TUBA3C: variants seen among roughly 807,000 people sequenced by gnomAD.
TUBA3C encodes tubulin alpha 3c, also known as tubulin alpha-3C chain.
Under a neutral mutation model 33.4 loss-of-function variants are expected in TUBA3C, and 23 were observed. The observed-to-expected ratio is 0.69, with a 90% CI of 0.50 to 0.98. The LOEUF (loss-of-function observed/expected upper bound fraction) is 0.98, where lower values mean the gene tolerates loss of function less well. TUBA3C is among the 50% of genes least tolerant of loss of function. The probability of loss-of-function intolerance (pLI) is 0.00; values close to 1 mark genes in which losing one functional copy is unlikely to be tolerated. For synonymous variants in TUBA3C, 269 were observed against 250.4 expected (o/e 1.07, Z -0.70); for missense variants, 402 against 616.0 (o/e 0.65, Z 3.68).
At chr13:19,181,640 G>A in intron 1 of TUBA3C, 105 bp downstream of exon 1, 1 of 1,534,178 alleles carries the variant, frequency 6.5e-7, no homozygotes, top group Admixed American at 1.7e-5. Context: ...CCTCCTTTCT[G>A]CACCCTGGCC....
intron 1 of TUBA3C, among the ~76,000 whole-genome samples, chr13:19,180,696 C>T (rs936689760): frequency 8.6e-5 from 13 of 151,926 alleles, no homozygotes; most frequent in Non-Finnish European, 1.3e-4. Context: ...GGGGTTTCAC[C>T]GTGTTAGCCA....
intron 1 of TUBA3C, among the ~76,000 whole-genome samples, chr13:19,181,225 AT>A (rs559042915): frequency 1.3e-3 from 198 of 151,696 alleles, no homozygotes; most frequent in Admixed American, 3.2e-3. Context: ...GAATTTTTCT[AT>A]TTTTAGTAGA....
At position 19,178,367 on chromosome 13, in the gene TUBA3C, T is replaced by G. The variant is rs1219264302; in HGVS notation, c.254A>C (p.Gln85Pro). The change falls in exon 3 of 5, where the codon CAG becomes CCG. Residue 85 changes from glutamine to proline, a missense_variant. Physicochemically the swap from Gln to Pro is moderately conservative, Grantham distance 76. Coordinates refer to ENST00000400113, the MANE Select transcript of TUBA3C (RefSeq NM_006001.3). ...VDEVRTGTYRQLFHPEQLITG... is the reference protein window; with the variant it reads ...VDEVRTGTYRPLFHPEQLITG... ...GATCAGCTGCTCTGGGTGGAAGAGC[T>G]GCCTATAGGTTCCTGTGCGCACTTC... The G allele has an allele frequency of 7.4e-6, 12 of 1,614,016 alleles. No individual in the cohort carries two copies. The highest frequency in any genetic ancestry group is 1.3e-5 in the African/African-American group (1 of 74,910).
Position 19,173,966 on chromosome 13 carries a change from TC to T in TUBA3C, c.1249del (p.Glu417SerfsTer63), listed in dbSNP as rs1555229376. Reference protein sequence around the residue: ...WYVGEGMEEGEFSEAREDLAA... With the variant: ...WYVGEGMEEGXFSEAREDLAA... Reference sequence around the variant, plus strand: ...CAGGTCCTCGCGGGCCTCAGAGAACTCCCCCTCCTCCATGCCTTCTCCCACG... The same window carrying T: ...CAGGTCCTCGCGGGCCTCAGAGAACTCCCCTCCTCCATGCCTTCTCCCACG... On this transcript the variant is annotated frameshift_variant, in exon 5 of 5. Coordinates refer to ENST00000400113, the MANE Select transcript of TUBA3C (RefSeq NM_006001.3). LOFTEE classifies it high-confidence loss of function. The T allele has an allele frequency of 6.2e-7, 1 of 1,609,888 alleles. No individual in the cohort carries two copies. The highest frequency in any genetic ancestry group is 8.5e-7 in the Non-Finnish European group (1 of 1,178,578).
At position 19,179,454 on chromosome 13, in the gene TUBA3C, C is replaced by T. The variant is rs199815852; in HGVS notation, c.113G>A (p.Ser38Asn). The part of the protein sequence containing the change: ...HGIQPDGQMP[S>N]DKTIGGGDDS... ...GTCCCCACCACCAATGGTTTTATCA[C>T]TTGGCATCTGACCATCGGGCTGAAT... The change falls in exon 2 of 5, where the codon AGT becomes AAT. Residue 38 changes from serine (S) to asparagine (N), a missense_variant. Ser to Asn is a conservative substitution (Grantham distance 46, BLOSUM62 1). Transcript: ENST00000400113. 26 of 1,614,126 alleles carry T rather than the reference C, an allele frequency of 1.6e-5. No individual in the cohort carries two copies. The African/African-American group carries it at 3.2e-4, about 20-fold the overall frequency.
rs376224007 is a variant in TUBA3C, at chr13:19,178,372, A to G, written c.249T>C (p.Tyr83=). Residue 83 remains tyrosine (Y), a synonymous_variant, in exon 3 of 5, where the codon TAT becomes TAC. Coordinates refer to ENST00000400113, the MANE Select transcript of TUBA3C (RefSeq NM_006001.3). ...GCTGCTCTGGGTGGAAGAGCTGCCT[A>G]TAGGTTCCTGTGCGCACTTCATCTA... ...TVVDEVRTGT[Y]RQLFHPEQLI... 2.0e-5 allele frequency: 32 copies of G among 1,613,958 alleles called. No individual in the cohort carries two copies. The highest frequency in any genetic ancestry group is 2.5e-5 in the Non-Finnish European group (30 of 1,180,006).
At chr13:19,181,597 G>C in intron 1 of TUBA3C, 148 bp downstream of exon 1, 1 of 1,166,868 alleles carries the variant, frequency 8.6e-7, no homozygotes, top group Non-Finnish European at 1.2e-6. Flanking sequence ...CCGTGTCCTC[G>C]TGTCCCGCCC....
At chr13:19,176,758 A>AAAAAAAAAAAAAAC (rs1869196961) in intron 4 of TUBA3C, among the ~76,000 whole-genome samples, 169 bp downstream of exon 4, 2 of 144,096 alleles carry the variant, frequency 1.4e-5, no homozygotes, top group African/African-American at 2.5e-5. Context: ...AAAAAAAAAA[A>AAAAAAAAAAAAAAC]AGACATCACT....
chr13:19,176,889 G>C, intron 4 of TUBA3C, 38 bp downstream of exon 4: 2 of 1,597,060 alleles, frequency 1.3e-6, no homozygotes, highest in Admixed American at 1.7e-5. Flanking sequence ...TCTGTTGCTT[G>C]CTGAAAGGTA....
At position 19,177,375 on chromosome 13, in the gene TUBA3C, A is replaced by C; in HGVS notation, c.608T>G (p.Met203Arg). Reference protein sequence around the residue: ...TTLEHSDCAFMVDNEAIYDIC... With the variant: ...TTLEHSDCAFRVDNEAIYDIC... ...GTCATAGATGGCTTCATTGTCGACC[A>C]TGAAGGCACAGTCAGAATGTTCCAG... The change falls in exon 4 of 5, where the codon ATG (methionine) becomes AGG (arginine). Residue 203 changes from methionine to arginine, a missense_variant. Coordinates refer to ENST00000400113, the MANE Select transcript of TUBA3C (RefSeq NM_006001.3). This position sits in a 1 kb window ranked among gnomAD's most constrained non-coding sequence, Gnocchi z 5.0. 1 of 1,614,194 alleles carries C rather than the reference A, an allele frequency of 6.2e-7. No homozygotes were observed. The highest frequency in any genetic ancestry group is 2.2e-5 in the East Asian group (1 of 44,868).
Position 19,181,736 on chromosome 13 carries a change from T to C in TUBA3C, c.3+9A>G. ...GGGCGTCTGCGGGGTGGGAGTGACC[T>C]GGCCTTACCATGTTGAGCTCCTCCG... is the stretch of plus-strand genomic sequence containing the variant. On this transcript the variant is annotated intron_variant, in intron 1 of 4. Coordinates refer to ENST00000400113, the MANE Select transcript of TUBA3C (RefSeq NM_006001.3). 5.6e-6 allele frequency: 9 copies of C among 1,602,316 alleles called. No individual in the cohort carries two copies. Among genetic ancestry groups the C allele is most frequent in the South Asian group, 2.2e-5 (2 of 91,052 alleles).
intron 1 of TUBA3C, 36 bp downstream of exon 1, chr13:19,181,709 C>T: frequency 6.2e-7 from 1 of 1,601,420 alleles, no homozygotes; most frequent in East Asian, 2.2e-5. Context: ...ACCCTCCAGC[C>T]TGGGCGTCTG....
At chr13:19,180,411 A>G (rs868813) in intron 1 of TUBA3C, among the ~76,000 whole-genome samples, 17,218 of 152,018 alleles carry the variant, frequency 0.11, 1,005 homozygotes, top group East Asian at 0.15. Context: ...GACAAGCCGG[A>G]TGTGGTGGCT....
chr13:19,179,195 C>T lies in TUBA3C; in HGVS notation c.226+146G>A. On this transcript the variant is annotated intron_variant, in intron 2 of 4. Transcript: ENST00000400113. ...ATCTCACAGACACTTTAATCACGAA[C>T]CTTTCAGTTTCTGTTAACACCATGG... The T allele has an allele frequency of 2.2e-6, 3 of 1,361,942 alleles. No individual in the cohort carries two copies. The South Asian group carries it at 4.6e-5, about 21-fold the overall frequency. 84.4% of individuals were successfully genotyped at this position (1,361,942 alleles called of 1,614,324 possible).
At chr13:19,181,363 A>G (rs17076884) in intron 1 of TUBA3C, among the ~76,000 whole-genome samples, 12,699 of 152,182 alleles carry the variant, frequency 0.083, 669 homozygotes, top group African/African-American at 0.14. Context: ...GCCTCCATCA[A>G]CAAGGCTCCT....
rs201122043 is a variant in TUBA3C, at chr13:19,178,260, G to A, written c.361C>T (p.Arg121Trp). Residue 121 changes from arginine (R) to tryptophan (W), a missense_variant, in exon 3 of 5, where the codon CGG (arginine) becomes TGG (tryptophan). Coordinates refer to ENST00000400113, the MANE Select transcript of TUBA3C (RefSeq NM_006001.3). ...GKEIVDLVLD[R>W]IRKLADLCTG... ...TCTCTTCTTACCAGTTTGCGGATCC[G>A]GTCCAGGACCAGGTCGACGATCTCC... is the stretch of plus-strand genomic sequence containing the variant. 9.2e-5 allele frequency: 149 copies of A among 1,614,022 alleles called. No homozygotes were observed. Among genetic ancestry groups the A allele is most frequent in the Non-Finnish European group, 1.1e-4 (132 of 1,180,028 alleles).
In TUBA3C at chr13:19,179,325, G is replaced by A. The variant is rs1225870545; in HGVS notation, c.226+16C>T. On this transcript the variant is annotated intron_variant, in intron 2 of 4. Coordinates refer to ENST00000400113, the MANE Select transcript of TUBA3C (RefSeq NM_006001.3). ...ACCCTCCTAAGAAAGCTGCCATCCA[G>A]GACCCGAGCACCTACCGACCACAGT... The A allele has an allele frequency of 6.2e-7, 1 of 1,613,514 alleles. No homozygotes were observed. The highest frequency in any genetic ancestry group is 1.3e-5 in the African/African-American group (1 of 74,932).
At chr13:19,176,533 C>T (rs1869182904) in intron 4 of TUBA3C, among the ~76,000 whole-genome samples, 1 of 151,934 alleles carries the variant, frequency 6.6e-6, no homozygotes, top group Non-Finnish European at 1.5e-5. Context: ...GTGGGTGGCT[C>T]ACCTGAGGTC....
At position 19,177,280 on chromosome 13, in the gene TUBA3C, C is replaced by A. The variant is rs748052814; in HGVS notation, c.703G>T (p.Val235Leu). ...TNLNRLIGQI[V>L]SSITASLRFD... ...CGCAGGGAGGCCGTGATGGAGGACA[C>A]GATCTGCCCAATCAGGCGATTGAGG... The change falls in exon 4 of 5, where the codon GTG (valine) becomes TTG (leucine). Residue 235 changes from valine (V) to leucine (L), a missense_variant. Transcript: ENST00000400113. This position sits in a 1 kb window ranked among gnomAD's most constrained non-coding sequence, Gnocchi z 5.0. 6.2e-7 allele frequency: 1 copy of A among 1,613,964 alleles called. No individual in the cohort carries two copies. The highest frequency in any genetic ancestry group is 2.2e-5 in the East Asian group (1 of 44,884).
Sources: gnomAD v4.1 joint callset for allele counts (sites outside exome capture counted in the v4.1 genomes callset) on GRCh38, gnomAD v4.1.1 for gene constraint, Gnocchi (gnomAD v3.1) non-coding constraint, MANE v1.5 for transcripts, NCBI Gene and HGNC (gene_info 2026-07-23, HGNC 2026-07-21) for gene names.